PRRC2B: variants seen among roughly 807,000 people sequenced by gnomAD.
The protein encoded by PRRC2B is protein PRRC2B.
In PRRC2B, 68 loss-of-function variants were observed where a neutral mutation model predicts 242.3. That is an observed-to-expected ratio of 0.28 (90% CI 0.23 to 0.34). The LOEUF (loss-of-function observed/expected upper bound fraction) is 0.34, where lower values mean the gene tolerates loss of function less well. Ranked by LOEUF, PRRC2B falls within the 10% of genes least tolerant of loss-of-function variation. The pLI, the probability that PRRC2B is intolerant of heterozygous loss-of-function variation, is 1.00. For missense variants in PRRC2B, 2,835 were observed against 2,954.8 expected, an observed-to-expected ratio of 0.96 and a Z score of 0.94; for synonymous variants, 1,228 against 1,173.6, an observed-to-expected ratio of 1.05 and a Z score of -0.95.
chr9:131,446,752 C>A lies in PRRC2B; in HGVS notation c.855+110C>A. On this transcript the variant is annotated intron_variant, in intron 7 of 31. Transcript: ENST00000683519. The surrounding 1 kb of genome is among the most constrained non-coding windows in gnomAD (Gnocchi z 4.1). ...GGGGTCTCCTCTTGGCCCTGTTACC[C>A]TACTTCTGAGGCTTCCACTCGTTTT... 7.8e-7 allele frequency: 1 copy of A among 1,285,668 alleles called. No individual in the cohort carries two copies. Among genetic ancestry groups the A allele is most frequent in the Non-Finnish European group, 1.1e-6 (1 of 929,466 alleles). 79.6% of individuals were successfully genotyped at this position (1,285,668 alleles called of 1,614,324 possible).
At chr9:131,397,023 C>T (rs990046607) in intron 1 of PRRC2B, among the ~76,000 whole-genome samples, 20 of 152,156 alleles carry the variant, frequency 1.3e-4, no homozygotes, top group Admixed American at 5.9e-4. Context: ...ATGTGGCACC[C>T]CCTCCAGACC....
intron 25 of PRRC2B, 104 bp downstream of exon 25, chr9:131,485,244 C>A: frequency 1.0e-6 from 1 of 976,710 alleles, no homozygotes; most frequent in Non-Finnish European, 1.5e-6. Context: ...TCTTAAGTAG[C>A]ATGTAGAAGT....
At chr9:131,417,499 C>T (rs915896757) in intron 1 of PRRC2B, among the ~76,000 whole-genome samples, 2 of 151,964 alleles carry the variant, frequency 1.3e-5, no homozygotes, top group African/African-American at 4.8e-5. Context: ...AGGTGCCTGC[C>T]ACCTCCTACG....
chr9:131,375,993 G>A (rs1275624612), intron 1 of PRRC2B, among the ~76,000 whole-genome samples: 1 of 145,076 alleles, frequency 6.9e-6, no homozygotes, highest in African/African-American at 2.6e-5. Flanking sequence ...AGGTTGCGGT[G>A]AGCTGAGATC....
At chr9:131,462,166 T>A (rs1236690658) in intron 11 of PRRC2B, among the ~76,000 whole-genome samples, 1 of 152,144 alleles carries the variant, frequency 6.6e-6, no homozygotes, top group Non-Finnish European at 1.5e-5. Context: ...AGTGATGAAA[T>A]CTATATACTA....
intron 24 of PRRC2B, 48 bp downstream of exon 24, chr9:131,484,838 T>G: frequency 6.4e-7 from 1 of 1,569,532 alleles, no homozygotes; most frequent in Non-Finnish European, 8.7e-7. Context: ...TACCTTAGCT[T>G]ACAAAGAGGC....
chr9:131,475,233 C>A lies in PRRC2B; in HGVS notation c.3104C>A (p.Pro1035Gln), dbSNP rs771163960. The change falls in exon 16 of 32, where the codon CCA (proline) becomes CAA (glutamine). Residue 1035 changes from proline to glutamine, a missense_variant. Pro to Gln is a moderately conservative substitution (Grantham distance 76). Around this residue, in one of 7 missense-constraint regions of PRRC2B, gnomAD observed 1,536 missense variants for 1,483.1 expected, o/e 1.04. Coordinates refer to ENST00000683519, the MANE Select transcript of PRRC2B (RefSeq NM_013318.4). ...GACAAGGCCTGGGAAGCCAGACCCC[C>A]ACGAGAGTCCAGCGATGTTCCCCCC... ...KPDKAWEARP[P>Q]RESSDVPPMK... is the part of the protein sequence containing the mutation. 3 of 1,613,760 alleles carry A rather than the reference C, an allele frequency of 1.9e-6. No individual in the cohort carries two copies. Among genetic ancestry groups the A allele is most frequent in the Non-Finnish European group, 1.7e-6 (2 of 1,179,862 alleles).
intron 3 of PRRC2B, among the ~76,000 whole-genome samples, chr9:131,434,101 G>T (rs532569812): frequency 5.3e-4 from 80 of 152,268 alleles, no homozygotes; most frequent in African/African-American, 1.8e-3. Flanking sequence ...GGCTTTGCTG[G>T]TGGTTACACG....
At chr9:131,442,182 G>A (rs1164868047) in intron 5 of PRRC2B, among the ~76,000 whole-genome samples, 2 of 151,646 alleles carry the variant, frequency 1.3e-5, no homozygotes, top group African/African-American at 4.9e-5. Context: ...GCCCAGGCTG[G>A]AGTGCAGTAG....
intron 9 of PRRC2B, 110 bp downstream of exon 9, chr9:131,447,914 G>A: frequency 8.1e-7 from 1 of 1,227,516 alleles, no homozygotes; most frequent in Non-Finnish European, 1.1e-6. Flanking sequence ...GGCAAGATAG[G>A]GATGAAGAGC....
rs763793807 is a variant in PRRC2B at position 131,445,781 on chromosome 9, G to T, written c.614-620G>T. On this transcript the variant is annotated intron_variant, in intron 6 of 31. Coordinates refer to ENST00000683519, the MANE Select transcript of PRRC2B (RefSeq NM_013318.4). ...GGTCTGTTGTCTCATTTGATTTCTT[G>T]TTGGCCTCTAATAATTTCCACCCGA... Among the ~76,000 whole-genome samples, 11 of 152,232 alleles carry T rather than the reference G, an allele frequency of 7.2e-5. No individual in the cohort carries two copies. In the South Asian group the frequency reaches 8.3e-4, roughly 11 times the overall value.
chr9:131,484,032 G>T (rs1943946113), intron 23 of PRRC2B, among the ~76,000 whole-genome samples: 1 of 152,244 alleles, frequency 6.6e-6, no homozygotes, highest in South Asian at 2.1e-4. Context: ...AGGAATGTGA[G>T]TGCTGTACAA....
At chr9:131,454,577 C>T (rs1943015063) in intron 9 of PRRC2B, among the ~76,000 whole-genome samples, 1 of 151,956 alleles carries the variant, frequency 6.6e-6, no homozygotes, top group African/African-American at 2.4e-5. Context: ...GCTGGGATAG[C>T]GAGATTTCTG....
intron 1 of PRRC2B, among the ~76,000 whole-genome samples, chr9:131,422,845 A>C (rs1334188792): frequency 6.6e-6 from 1 of 152,050 alleles, no homozygotes; most frequent in African/African-American, 2.4e-5. Flanking sequence ...ATTCTTTTTC[A>C]ATGTTCTTTT....
chr9:131,408,228 G>T (rs1057195757), intron 1 of PRRC2B, among the ~76,000 whole-genome samples: 1 of 152,232 alleles, frequency 6.6e-6, no homozygotes, highest in Non-Finnish European at 1.5e-5. Context: ...TGGTTACTCT[G>T]TGCGGGGTTA....
chr9:131,495,899 C>T lies in PRRC2B; in HGVS notation c.*25C>T, dbSNP rs192093668. 604 of 1,595,248 alleles carry T rather than the reference C, an allele frequency of 3.8e-4. 3 individuals carry two copies. In the African/African-American group the frequency reaches 7.3e-3, roughly 19 times the overall value. On this transcript the variant is annotated 3_prime_UTR_variant, in exon 32 of 32. Coordinates refer to ENST00000683519, the MANE Select transcript of PRRC2B (RefSeq NM_013318.4). The stretch of plus-strand genomic sequence containing the variant: ...ACAGTGCCTGGCTGCCACCTCGCCT[C>T]TCCCTACTGAGGACGGTGCCGCCAT...
chr9:131,451,435 C>T (rs1942916093), intron 9 of PRRC2B, among the ~76,000 whole-genome samples: 1 of 151,558 alleles, frequency 6.6e-6, no homozygotes, highest in Admixed American at 6.6e-5. Flanking sequence ...TTTTTGTGTT[C>T]ACTGGTACCA....
chr9:131,435,025 C>T (rs1335920224), intron 3 of PRRC2B, among the ~76,000 whole-genome samples: 1 of 152,160 alleles, frequency 6.6e-6, no homozygotes, highest in Non-Finnish European at 1.5e-5. Context: ...TGGCCGGGTG[C>T]AGTGGCTGAC....
At chr9:131,386,249 A>C (rs529338890) in intron 1 of PRRC2B, among the ~76,000 whole-genome samples, 1 of 150,280 alleles carries the variant, frequency 6.7e-6, no homozygotes, top group Non-Finnish European at 1.5e-5. Context: ...AATAGCTGGG[A>C]CTGCAAGTGT....
Sources: allele counts gnomAD v4.1 joint callset (sites outside exome capture counted in the v4.1 genomes callset), GRCh38; gene constraint gnomAD v4.1.1; regional missense constraint gnomAD v4.1.1; non-coding constraint Gnocchi (gnomAD v3.1); transcripts MANE v1.5; gene names NCBI Gene and HGNC (gene_info 2026-07-23, HGNC 2026-07-21).